PLA2G6: variants seen among roughly 807,000 people sequenced by gnomAD.
PLA2G6 encodes phospholipase A2 group VI.
A neutral mutation model predicts 83.8 loss-of-function variants in PLA2G6; 62 were observed. That is an observed-to-expected ratio of 0.74 (90% confidence interval 0.60 to 0.91). The LOEUF is 0.91. PLA2G6 is among the 40% of genes least tolerant of loss of function. The pLI, the probability that PLA2G6 is intolerant of heterozygous loss-of-function variation, is 0.00. For missense variants in PLA2G6, 944 were observed against 1,102.0 expected, an observed-to-expected ratio of 0.86 and a Z score of 2.03; for synonymous variants, 417 against 449.8, an observed-to-expected ratio of 0.93 and a Z score of 0.92.
intron 2 of PLA2G6, among the ~76,000 whole-genome samples, chr22:38,167,242 A>G (rs1369839001): frequency 6.6e-6 from 1 of 151,556 alleles, no homozygotes; most frequent in African/African-American, 2.4e-5. Flanking sequence ...AAAAAAAAAA[A>G]AGAAAACAAA....
chr22:38,159,761 G>GAAGGAAGGAAGGAAGGA (rs543554981), intron 2 of PLA2G6, among the ~76,000 whole-genome samples: 3 of 150,478 alleles, frequency 2.0e-5, no homozygotes, highest in South Asian at 4.2e-4. Context: ...AGGAAGGAAG[G>GAAGGAAGGAAGGAAGGA]AGATCTTCAA....
chr22:38,134,957 G>GGCCCCCCCCCCC, intron 6 of PLA2G6, 31 bp downstream of exon 6: 1 of 995,360 alleles, frequency 1.0e-6, no homozygotes. Context: ...CCGGCCCCCT[G>GGCCCCCCCCCCC]CCCCACCCAC....
At chr22:38,164,048 G>C (rs933278083) in intron 2 of PLA2G6, among the ~76,000 whole-genome samples, 2 of 152,176 alleles carry the variant, frequency 1.3e-5, no homozygotes, top group African/African-American at 4.8e-5. Context: ...ATACCAGTGA[G>C]AGGCTGGTTG....
intron 2 of PLA2G6, 67 bp from the exon 3 acceptor site, chr22:38,145,720 G>A (rs1490652918): frequency 8.7e-7 from 1 of 1,152,326 alleles, no homozygotes; most frequent in East Asian, 2.5e-5. Flanking sequence ...CCACATCCCT[G>A]CTGGAATCAG....
chr22:38,145,948 A>C, intron 2 of PLA2G6: 1 of 399,342 alleles, frequency 2.5e-6, no homozygotes, highest in Non-Finnish European at 4.7e-6. Flanking sequence ...ATCATGACTC[A>C]CTGCATCTTC....
rs886057504 is a variant in PLA2G6 at position 38,181,747 on chromosome 22, G to A, written c.-129C>T. On this transcript the variant is annotated 5_prime_UTR_variant, in exon 1 of 17. Transcript: ENST00000332509. ...CGGAGCGCCGAGGAAGTTGGGGAAC[G>A]GACCCCCAGGCCCCGCCCACCCGCG... The A allele has an allele frequency of 4.6e-5, 7 of 152,210 alleles. No homozygotes were observed. Among genetic ancestry groups the A allele is most frequent in the Admixed American group, 3.9e-4 (6 of 15,280 alleles). 9.4% of individuals were successfully genotyped at this position (152,210 alleles called of 1,614,324 possible).
intron 10 of PLA2G6, chr22:38,125,774 A>C (rs750596438): frequency 2.2e-6 from 1 of 464,552 alleles, no homozygotes; most frequent in Non-Finnish European, 4.5e-6. Flanking sequence ...AATCAACTGC[A>C]GCAATCAAGG....
chr22:38,176,378 G>A (rs1019257675), intron 1 of PLA2G6, among the ~76,000 whole-genome samples: 6 of 152,164 alleles, frequency 3.9e-5, no homozygotes, highest in Non-Finnish European at 8.8e-5. Context: ...GCTTGGCCAC[G>A]TGGGGGATTC....
chr22:38,163,455 G>A (rs1318195708), intron 2 of PLA2G6: 1 of 169,604 alleles, frequency 5.9e-6, no homozygotes, highest in African/African-American at 2.4e-5. Context: ...CAGGCATCAG[G>A]AACGCAGAGG....
Position 38,112,638 on chromosome 22 carries a change from C to T in PLA2G6, c.2203-61G>A, listed in dbSNP as rs1018212066. The stretch of plus-strand genomic sequence containing the variant: ...CACCCCGCCCGGCCCGCACCCCGCC[C>T]GGCCCTGCCCTGCACTCTCGGAGCC... On this transcript the variant is annotated intron_variant, in intron 15 of 16. Coordinates refer to ENST00000332509, the MANE Select transcript of PLA2G6 (RefSeq NM_003560.4). The T allele has an allele frequency of 1.5e-4, 206 of 1,392,894 alleles. 1 individual carries two copies. Among genetic ancestry groups the T allele is most frequent in the Non-Finnish European group, 1.9e-4 (191 of 1,009,354 alleles). The allele number at this position is 1,392,894 out of a possible 1,614,324, so 86.3% of individuals were successfully genotyped here.
chr22:38,156,113 G>T (rs903486463), intron 2 of PLA2G6, among the ~76,000 whole-genome samples: 2 of 152,142 alleles, frequency 1.3e-5, no homozygotes, highest in African/African-American at 4.8e-5. Context: ...GGTCAATTCA[G>T]CAAGATAATG....
At position 38,111,739 on chromosome 22, in the gene PLA2G6, G is replaced by T; in HGVS notation, c.*422C>A. The T allele has an allele frequency of 3.2e-6, 1 of 309,590 alleles. No homozygotes were observed. The highest frequency in any genetic ancestry group is 6.4e-6 in the Non-Finnish European group (1 of 156,874). The allele number at this position is 309,590 out of a possible 1,614,324, so 19.2% of individuals were successfully genotyped here. A position where few individuals can be genotyped will look rare whatever the true frequency, so the allele number is the denominator to read the frequency against. On this transcript the variant is annotated 3_prime_UTR_variant, in exon 17 of 17. Coordinates refer to ENST00000332509, the MANE Select transcript of PLA2G6 (RefSeq NM_003560.4). ...CAGCCCCCAGGGAACGGAGCAGAGGGCAGAGGGAGTGGGCTGCACCCACCA... is the reference window on the plus strand; with the variant it reads ...CAGCCCCCAGGGAACGGAGCAGAGGTCAGAGGGAGTGGGCTGCACCCACCA...
At position 38,160,039 on chromosome 22, in the gene PLA2G6, A is replaced by G. The variant is rs534013162; in HGVS notation, c.209+9179T>C. ...AAAACTCCTCCTAAAACTCTGTAAG[A>G]AAAAGATAAACAACTTTATTTTTTA... On this transcript the variant is annotated intron_variant, in intron 2 of 16. Coordinates refer to ENST00000332509, the MANE Select transcript of PLA2G6 (RefSeq NM_003560.4). Among the ~76,000 whole-genome samples, 46 of 152,354 alleles carry G rather than the reference A, an allele frequency of 3.0e-4. 1 individual carries two copies. Among genetic ancestry groups the G allele is most frequent in the African/African-American group, 1.0e-3 (42 of 41,586 alleles).
At chr22:38,116,631 G>C (rs1226996982) in intron 12 of PLA2G6, among the ~76,000 whole-genome samples, 1 of 152,032 alleles carries the variant, frequency 6.6e-6, no homozygotes, top group Non-Finnish European at 1.5e-5. Flanking sequence ...GAGGCAGGTG[G>C]ATCACCTGAG....
In PLA2G6 at chr22:38,120,736, G is replaced by A. The variant is rs115219514; in HGVS notation, c.1742+23C>T. On this transcript the variant is annotated intron_variant, in intron 12 of 16. Transcript: ENST00000332509. ...CCACAGTGGGCACAGCTGCGGCCAC[G>A]GCCCCAGTGCGCCAGGGCTTACTTG... 4.7e-4 allele frequency: 762 copies of A among 1,612,924 alleles called. 4 individuals carry two copies. In the African/African-American group the frequency reaches 8.9e-3, roughly 19 times the overall value.
chr22:38,113,516 TG>T lies in PLA2G6; in HGVS notation c.2172del (p.Lys725ArgfsTer36). The stretch of plus-strand genomic sequence containing the variant: ...TCCACCACCATCTTGCCCAGTTCCT[TG>T]GCCCCAAAAACAGTCTTGGCCAGCT... ...PWELAKTVFG[A>X]KELGKMVVDC... On this transcript the variant is annotated frameshift_variant, in exon 15 of 17. Coordinates refer to ENST00000332509, the MANE Select transcript of PLA2G6 (RefSeq NM_003560.4). LOFTEE classifies it high-confidence loss of function. 1 of 1,614,058 alleles carries T rather than the reference TG, an allele frequency of 6.2e-7. No individual in the cohort carries two copies. The highest frequency in any genetic ancestry group is 8.5e-7 in the Non-Finnish European group (1 of 1,180,004).
chr22:38,158,183 T>C (rs1012186468), intron 2 of PLA2G6, among the ~76,000 whole-genome samples: 18 of 150,486 alleles, frequency 1.2e-4, no homozygotes, highest in African/African-American at 4.4e-4. Context: ...TTTTTTTTTT[T>C]TTTGAGATGA....
intron 1 of PLA2G6, among the ~76,000 whole-genome samples, chr22:38,171,560 C>G (rs146452996): frequency 2.5e-3 from 381 of 151,658 alleles, no homozygotes; most frequent in African/African-American, 9.0e-3. Flanking sequence ...GGCTCATGCC[C>G]GTAATCCCAG....
chr22:38,169,323 C>A lies in PLA2G6; in HGVS notation c.104G>T (p.Ser35Ile). ...KEVAVADYTS[S>I]DRVREEGQLI... ...CTGCCCTTCCTCCCGAACTCGGTCA[C>A]TCGAGGTGTAGTCGGCCACAGCCAC... Residue 35 changes from serine (S) to isoleucine (I), a missense_variant, in exon 2 of 17, where the codon AGT becomes ATT. Transcript: ENST00000332509. 6.2e-7 allele frequency: 1 copy of A among 1,614,210 alleles called. No individual in the cohort carries two copies. Among genetic ancestry groups the A allele is most frequent in the Non-Finnish European group, 8.5e-7 (1 of 1,180,026 alleles).
Sources: gnomAD v4.1 joint callset for allele counts (sites outside exome capture counted in the v4.1 genomes callset) on GRCh38, gnomAD v4.1.1 for gene constraint, MANE v1.5 for transcripts, NCBI Gene and HGNC (gene_info 2026-07-23, HGNC 2026-07-21) for gene names.